Variants in IGF2R observed in about 807,000 individuals in gnomAD.
The protein encoded by IGF2R is insulin like growth factor 2 receptor.
A neutral mutation model predicts 270.6 loss-of-function variants in IGF2R; 91 were observed. That is an observed-to-expected ratio of 0.34 (90% CI 0.28 to 0.40). IGF2R has a LOEUF of 0.40. IGF2R is among the 10% of genes least tolerant of loss of function. The pLI is 1.00. For synonymous variants in IGF2R, 1,316 were observed against 1,258.9 expected, an observed-to-expected ratio of 1.05 and a Z score of -0.96; for missense variants, 2,805 against 3,188.3, an observed-to-expected ratio of 0.88 and a Z score of 2.90.
chr6:160,075,213 G>GT (rs765139200), intron 35 of IGF2R, among the ~76,000 whole-genome samples: 1 of 151,876 alleles, frequency 6.6e-6, no homozygotes, highest in African/African-American at 2.4e-5. Flanking sequence ...AGAGTTTTTT[G>GT]TTTTTTTTCT....
chr6:160,082,271 C>A (rs894647335), intron 39 of IGF2R, among the ~76,000 whole-genome samples: 3 of 152,108 alleles, frequency 2.0e-5, no homozygotes, highest in African/African-American at 7.2e-5. Flanking sequence ...GAATCACACT[C>A]CTGTTTTCAA....
At chr6:160,087,648 C>T (rs1196985242) in intron 41 of IGF2R, among the ~76,000 whole-genome samples, 1 of 152,142 alleles carries the variant, frequency 6.6e-6, no homozygotes, top group Non-Finnish European at 1.5e-5. Flanking sequence ...TTACTCCTAA[C>T]ATTGAAGCTT....
chr6:160,108,160 C>T lies in IGF2R; in HGVS notation c.*3076C>T, dbSNP rs538836862. On this transcript the variant is annotated 3_prime_UTR_variant, in exon 48 of 48. Transcript: ENST00000356956. The stretch of plus-strand genomic sequence containing the variant: ...ATGGCTCAGGGAGGTACACTCATGT[C>T]CTTTCTTACTTCTCCGGTTCCACTC... 119 of 152,394 alleles carry T rather than the reference C, an allele frequency of 7.8e-4. No individual in the cohort carries two copies. Among genetic ancestry groups the T allele is most frequent in the Middle Eastern group, 3.4e-3 (1 of 296 alleles). The allele number at this position is 152,394 out of a possible 1,614,324, so 9.4% of individuals were successfully genotyped here. A position where few individuals can be genotyped will look rare whatever the true frequency, so the allele number is the denominator to read the frequency against.
At chr6:160,077,479 G>A (rs1271496399) in intron 36 of IGF2R, among the ~76,000 whole-genome samples, 2 of 152,150 alleles carry the variant, frequency 1.3e-5, no homozygotes, top group African/African-American at 2.4e-5. Context: ...GTGACAAATC[G>A]AATTAGCTAA....
At chr6:160,060,229 TCAC>T (rs922978090) in intron 22 of IGF2R, among the ~76,000 whole-genome samples, 3 of 151,758 alleles carry the variant, frequency 2.0e-5, no homozygotes, top group South Asian at 2.1e-4. Flanking sequence ...AAACCTGTCA[TCAC>T]ATAGGCCACC....
chr6:160,090,507 A>G (rs1179144239), intron 44 of IGF2R, among the ~76,000 whole-genome samples: 2 of 152,184 alleles, frequency 1.3e-5, no homozygotes, highest in African/African-American at 4.8e-5. Context: ...ATGAAAGGAA[A>G]CTGGCCTAAA....
intron 2 of IGF2R, chr6:160,007,014 A>G (rs1438758323): frequency 6.7e-6 from 1 of 150,172 alleles, no homozygotes; most frequent in Non-Finnish European, 1.5e-5. Context: ...GACTTAAGTG[A>G]TAACAGTAAT....
chr6:159,984,883 C>T (rs1458003903), intron 1 of IGF2R, among the ~76,000 whole-genome samples: 3 of 152,182 alleles, frequency 2.0e-5, no homozygotes, highest in Non-Finnish European at 4.4e-5. Flanking sequence ...CCTTTTATTA[C>T]AGTTATAATT....
intron 4 of IGF2R, among the ~76,000 whole-genome samples, chr6:160,014,338 G>T (rs138810063): frequency 1.3e-5 from 2 of 152,192 alleles, no homozygotes; most frequent in African/African-American, 4.8e-5. Flanking sequence ...TGCTAAATTC[G>T]TGGTCTTATG....
Position 160,072,698 on chromosome 6 carries a change from C to T in IGF2R, c.4571-67C>T, listed in dbSNP as rs551074781. 38 of 1,590,440 alleles carry T rather than the reference C, an allele frequency of 2.4e-5. No individual in the cohort carries two copies. In the East Asian group the frequency reaches 5.4e-4, roughly 22 times the overall value. ...TGACATAATCTGTGTGTGAGCTCGC[C>T]GATGATGAGCCTCCCAAGTCTCAGC... On this transcript the variant is annotated intron_variant, in intron 32 of 47. Coordinates refer to ENST00000356956, the MANE Select transcript of IGF2R (RefSeq NM_000876.4).
At chr6:159,993,956 A>C (rs1011766622) in intron 2 of IGF2R, among the ~76,000 whole-genome samples, 1 of 144,662 alleles carries the variant, frequency 6.9e-6, no homozygotes, top group African/African-American at 2.5e-5. Flanking sequence ...GCTTCATAGA[A>C]CAAGTTAGGG....
intron 11 of IGF2R, among the ~76,000 whole-genome samples, 175 bp downstream of exon 11, chr6:160,040,899 G>A (rs539902153): frequency 6.6e-6 from 1 of 152,172 alleles, no homozygotes; most frequent in South Asian, 2.1e-4. Context: ...ACTGGGAGGT[G>A]AAATAACTGA....
intron 46 of IGF2R, among the ~76,000 whole-genome samples, chr6:160,103,007 C>T (rs1459149719): frequency 6.6e-6 from 1 of 152,194 alleles, no homozygotes; most frequent in African/African-American, 2.4e-5. Flanking sequence ...GCCCTCCTCA[C>T]ATCATAAATG....
chr6:160,011,302 C>T (rs970177488), intron 4 of IGF2R, among the ~76,000 whole-genome samples: 1 of 152,088 alleles, frequency 6.6e-6, no homozygotes, highest in Admixed American at 6.5e-5. Context: ...TCAGGTATCC[C>T]TTAAATTCTT....
intron 11 of IGF2R, among the ~76,000 whole-genome samples, chr6:160,042,198 C>T (rs1023982751): frequency 6.6e-6 from 1 of 152,122 alleles, no homozygotes; most frequent in Non-Finnish European, 1.5e-5. Flanking sequence ...TTGAAGAAGT[C>T]CCTTAAGACT....
intron 10 of IGF2R, among the ~76,000 whole-genome samples, chr6:160,035,829 G>A (rs996610004): frequency 7.9e-5 from 12 of 152,108 alleles, no homozygotes; most frequent in African/African-American, 2.4e-4. Flanking sequence ...TTGTCGCTCC[G>A]CTGCTTTACC....
intron 43 of IGF2R, 57 bp from the exon 44 acceptor site, chr6:160,089,859 T>G: frequency 7.9e-7 from 1 of 1,269,510 alleles, no homozygotes. Flanking sequence ...AGGGTTTATG[T>G]CATGAATGCC....
At chr6:160,016,697 C>G (rs1777307710) in intron 4 of IGF2R, among the ~76,000 whole-genome samples, 2 of 152,246 alleles carry the variant, frequency 1.3e-5, no homozygotes, top group Admixed American at 1.3e-4. Context: ...CCTGAGCCTG[C>G]TCACCAGCCT....
intron 4 of IGF2R, 80 bp downstream of exon 4, chr6:160,010,865 T>C: frequency 1.3e-6 from 1 of 797,604 alleles, no homozygotes; most frequent in African/African-American, 1.7e-5. Context: ...TTCTAACCTT[T>C]CCGGGTGAAA....
Sources: allele counts gnomAD v4.1 joint callset (sites outside exome capture counted in the v4.1 genomes callset), GRCh38; gene constraint gnomAD v4.1.1; transcripts MANE v1.5; gene names NCBI Gene and HGNC (gene_info 2026-07-23, HGNC 2026-07-21).